The following TFRC variants were observed in gnomAD, a reference collection of about 807,000 sequenced individuals.
The protein encoded by TFRC is transferrin receptor, also known as transferrin receptor protein 1.
In TFRC, 35 loss-of-function variants were observed where a neutral mutation model predicts 85.8. The observed-to-expected ratio is 0.41, with a 90% CI of 0.31 to 0.54. The LOEUF (loss-of-function observed/expected upper bound fraction) is 0.54, where lower values mean the gene tolerates loss of function less well. Among genes scored for constraint, TFRC ranks in the 20% least tolerant of loss-of-function variants. The probability of loss-of-function intolerance (pLI) is 0.31; values close to 1 mark genes in which losing one functional copy is unlikely to be tolerated. For synonymous variants in TFRC, 362 were observed against 328.6 expected (o/e 1.10, Z -1.10); for missense variants, 828 against 921.5 (o/e 0.90, Z 1.31).
At position 196,060,238 on chromosome 3, in the gene TFRC, T is replaced by G; in HGVS notation, c.1478A>C (p.Asn493Thr). 1 of 1,614,030 alleles carries G rather than the reference T, an allele frequency of 6.2e-7. No individual in the cohort carries two copies. The highest frequency in any genetic ancestry group is 2.2e-5 in the East Asian group (1 of 44,870). Residue 493 changes from asparagine (N) to threonine (T), a missense_variant, in exon 14 of 19, where the codon AAC (asparagine) becomes ACC (threonine). Transcript: ENST00000360110. ...CAGTGGGCTGGCAGAAACCTTGAAG[T>G]TGCTGGTACCTGAAAATAAATTGTT... ...NLDKAVLGTS[N>T]FKVSASPLLY...
At chr3:196,077,848 G>A (rs952013251) in intron 1 of TFRC, among the ~76,000 whole-genome samples, 1 of 152,184 alleles carries the variant, frequency 6.6e-6, no homozygotes, top group African/African-American at 2.4e-5. Flanking sequence ...ATCTCCAATG[G>A]GAAGGGGAAG....
At chr3:196,078,668 AAAAAAG>A (rs1269563496) in intron 1 of TFRC, among the ~76,000 whole-genome samples, 2 of 152,110 alleles carry the variant, frequency 1.3e-5, no homozygotes, top group African/African-American at 2.4e-5. Context: ...AAAAAATAAT[AAAAAAG>A]AAAAAGAAAA....
chr3:196,065,420 G>T (rs773965579), intron 10 of TFRC, 23 bp downstream of exon 10: 15 of 49,302 alleles, frequency 3.0e-4, no homozygotes, highest in South Asian at 2.0e-3. Flanking sequence ...AGCGGGGCGG[G>T]GGGGGGGGGG....
chr3:196,070,265 A>ATT (rs35819676), intron 6 of TFRC, among the ~76,000 whole-genome samples: 29 of 143,138 alleles, frequency 2.0e-4, no homozygotes, highest in African/African-American at 6.9e-4. Context: ...TACAAATGTG[A>ATT]TTTTTTTTTT....
intron 4 of TFRC, 74 bp from the exon 5 acceptor site, chr3:196,072,226 A>G: frequency 6.4e-7 from 1 of 1,559,836 alleles, no homozygotes; most frequent in Non-Finnish European, 8.7e-7. Context: ...GATTAAACAA[A>G]TTGTTTTGAA....
chr3:196,081,782 G>A (rs914428370), intron 1 of TFRC: 2 of 152,444 alleles, frequency 1.3e-5, no homozygotes, highest in African/African-American at 4.8e-5. Context: ...GAGGCGAAGG[G>A]ACGAGAGGCG....
rs768598458 is a variant in TFRC, at chr3:196,067,604, G to C, written c.954C>G (p.His318Gln). ...PYTPGFPSFN[H>Q]TQFPPSRSSG... ...ATGACCGAGATGGTGGAAACTGAGT[G>C]TGATTGAAGGAAGGGAATCCAGGTG... The change falls in exon 9 of 19, where the codon CAC becomes CAG. Residue 318 changes from histidine to glutamine, a missense_variant. His to Gln is a conservative substitution (Grantham distance 24). Transcript: ENST00000360110. The C allele has an allele frequency of 6.2e-7, 1 of 1,614,146 alleles. No individual in the cohort carries two copies. Among genetic ancestry groups the C allele is most frequent in the South Asian group, 1.1e-5 (1 of 91,086 alleles).
At chr3:196,064,750 T>C (rs1717573430) in intron 10 of TFRC, among the ~76,000 whole-genome samples, 1 of 152,222 alleles carries the variant, frequency 6.6e-6, no homozygotes, top group African/African-American at 2.4e-5. Context: ...ACAGCCCGCA[T>C]GCCCATTCAC....
intron 16 of TFRC, 103 bp downstream of exon 16, chr3:196,058,181 G>C: frequency 1.1e-6 from 1 of 877,800 alleles, no homozygotes; most frequent in East Asian, 2.5e-5. Flanking sequence ...GTACATAGTT[G>C]ACTATAGCAC....
chr3:196,069,170 G>C (rs942420159), intron 7 of TFRC, among the ~76,000 whole-genome samples: 1 of 152,066 alleles, frequency 6.6e-6, no homozygotes, highest in African/African-American at 2.4e-5. Context: ...AGTTCCTTGT[G>C]TATGTTTGGC....
intron 1 of TFRC, among the ~76,000 whole-genome samples, chr3:196,081,219 G>A (rs990188745): frequency 1.3e-5 from 2 of 152,168 alleles, no homozygotes; most frequent in Admixed American, 1.3e-4. Context: ...TCACTCCTAT[G>A]GCTCCCGTCT....
Position 196,049,635 on chromosome 3 carries a change from G to C in TFRC, c.*2307C>G, listed in dbSNP as rs1267965820. The stretch of plus-strand genomic sequence containing the variant: ...CCCTAACTGTAGAAAAGGGTTTTCT[G>C]AAGAGACTCACTGCTGCAAAATGCA... On this transcript the variant is annotated 3_prime_UTR_variant, in exon 19 of 19. Coordinates refer to ENST00000360110, the MANE Select transcript of TFRC (RefSeq NM_001128148.3). 4.4e-6 allele frequency: 1 copy of C among 226,772 alleles called. No homozygotes were observed. Among genetic ancestry groups the C allele is most frequent in the Non-Finnish European group, 8.8e-6 (1 of 114,092 alleles). 14.0% of individuals were successfully genotyped at this position (226,772 alleles called of 1,614,324 possible). A position where few individuals can be genotyped will look rare whatever the true frequency, so the allele number is the denominator to read the frequency against.
Position 196,049,721 on chromosome 3 carries a change from G to A in TFRC, c.*2221C>T, listed in dbSNP as rs1716138685. ...GCCACATGCTTTCATTTAAGTACGTGTGCGTAACACCCGAACCAGGAATCT... is the reference window on the plus strand; with the variant it reads ...GCCACATGCTTTCATTTAAGTACGTATGCGTAACACCCGAACCAGGAATCT... On this transcript the variant is annotated 3_prime_UTR_variant, in exon 19 of 19. Transcript: ENST00000360110. The A allele has an allele frequency of 4.3e-6, 1 of 230,238 alleles. No homozygotes were observed. Among genetic ancestry groups the A allele is most frequent in the Non-Finnish European group, 8.6e-6 (1 of 116,210 alleles). The allele number at this position is 230,238 out of a possible 1,614,324, so 14.3% of individuals were successfully genotyped here. A position where few individuals can be genotyped will look rare whatever the true frequency, so the allele number is the denominator to read the frequency against.
chr3:196,065,389 CAG>C, intron 10 of TFRC, 52 bp downstream of exon 10: 4 of 1,140,240 alleles, frequency 3.5e-6, no homozygotes, highest in Non-Finnish European at 4.7e-6. Flanking sequence ...TCCTTAGGAA[CAG>C]AAAAGAAAAC....
chr3:196,065,428 G>GC lies in TFRC; in HGVS notation c.1198+14_1198+15insG. The GC allele has an allele frequency of 1.5e-6, 1 of 675,938 alleles. No individual in the cohort carries two copies. Among genetic ancestry groups the GC allele is most frequent in the South Asian group, 2.2e-5 (1 of 45,084 alleles). 41.9% of individuals were successfully genotyped at this position (675,938 alleles called of 1,614,324 possible). A position where few individuals can be genotyped will look rare whatever the true frequency, so the allele number is the denominator to read the frequency against. On this transcript the variant is annotated intron_variant, in intron 10 of 18. Transcript: ENST00000360110. ...AAAAAAAAGCGGGGCGGGGGGGGGG[G>GC]GGGGCGGTCTTTACCTGGTTCTACA...
At chr3:196,056,614 C>A (rs1317738489) in intron 16 of TFRC, among the ~76,000 whole-genome samples, 1 of 152,028 alleles carries the variant, frequency 6.6e-6, no homozygotes, top group African/African-American at 2.4e-5. Flanking sequence ...GTTGGCCAGG[C>A]TGGTCTTGAA....
chr3:196,081,658 G>A (rs897937763), intron 1 of TFRC, among the ~76,000 whole-genome samples: 8 of 152,232 alleles, frequency 5.3e-5, no homozygotes, highest in Admixed American at 1.3e-4. Flanking sequence ...CTTCAAGGGC[G>A]AGGACCCGAA....
Position 196,058,595 on chromosome 3 carries a change from T to C in TFRC, c.1574A>G (p.Asp525Gly). The C allele has an allele frequency of 1.9e-6, 3 of 1,611,788 alleles. No homozygotes were observed. Residue 525 changes from aspartate to glycine, a missense_variant, in exon 15 of 19, where the codon GAC becomes GGC. Physicochemically the swap from Asp to Gly is moderately conservative, Grantham distance 94. Coordinates refer to ENST00000360110, the MANE Select transcript of TFRC (RefSeq NM_001128148.3). ...HPVTGQFLYQ[D>G]SNWASKVEKL... Reference sequence around the variant, plus strand: ...TTACACTTTGCTGGCCCAGTTGCTGTCCTGATATAGAAATTGCCCAGTAAC... The same window carrying C: ...TTACACTTTGCTGGCCCAGTTGCTGCCCTGATATAGAAATTGCCCAGTAAC...
chr3:196,075,207 C>T lies in TFRC; in HGVS notation c.190G>A (p.Gly64Arg), dbSNP rs751923733. The change falls in exon 3 of 19, where the codon GGA becomes AGA. Residue 64 changes from glycine to arginine, a missense_variant. Coordinates refer to ENST00000360110, the MANE Select transcript of TFRC (RefSeq NM_001128148.3). The stretch of plus-strand genomic sequence containing the variant: ...GCAATAGTCCCATAGCAGATACTTC[C>T]ACTACACCTTTTTGGTTTTGTGACA... Reference protein sequence around the residue: ...ANVTKPKRCSGSICYGTIAVI... With the variant: ...ANVTKPKRCSRSICYGTIAVI... The T allele has an allele frequency of 3.1e-6, 5 of 1,614,046 alleles. No individual in the cohort carries two copies. The African/African-American group carries it at 6.7e-5, about 22-fold the overall frequency.
Sources: gnomAD v4.1 joint callset for allele counts (sites outside exome capture counted in the v4.1 genomes callset) on GRCh38, gnomAD v4.1.1 for gene constraint, MANE v1.5 for transcripts, NCBI Gene and HGNC (gene_info 2026-07-23, HGNC 2026-07-21) for gene names.